The following PHIP variants were observed in gnomAD, a reference collection of about 807,000 sequenced individuals.
The protein encoded by PHIP is PHIP subunit of CUL4-Ring ligase complex, also known as PH-interacting protein.
In PHIP, 54 loss-of-function variants were observed where a neutral mutation model predicts 236.8. The ratio of observed to expected loss-of-function variants is 0.23; its 90% confidence interval spans 0.18 to 0.29. The LOEUF (loss-of-function observed/expected upper bound fraction) is 0.29, where lower values mean the gene tolerates loss of function less well. Ranked by LOEUF, PHIP falls within the 10% of genes least tolerant of loss-of-function variation. The probability of loss-of-function intolerance (pLI) is 1.00; values close to 1 mark genes in which losing one functional copy is unlikely to be tolerated. For synonymous variants in PHIP, 756 were observed against 718.9 expected, an observed-to-expected ratio of 1.05 and a Z score of -0.83; for missense variants, 1,370 against 2,190.8, an observed-to-expected ratio of 0.63 and a Z score of 7.48.
chr6:79,029,993 T>C (rs751553502), intron 7 of PHIP, among the ~76,000 whole-genome samples: 9 of 152,158 alleles, frequency 5.9e-5, no homozygotes, highest in Non-Finnish European at 1.2e-4. Context: ...TATAGTCTTT[T>C]GACCAAAGAA....
intron 6 of PHIP, among the ~76,000 whole-genome samples, chr6:79,054,568 CA>C (rs1772975060): frequency 6.6e-6 from 1 of 150,714 alleles, no homozygotes; most frequent in South Asian, 2.1e-4. Context: ...GATAAGTGAA[CA>C]GGAAAAAAAC....
chr6:78,958,524 T>C lies in PHIP; in HGVS notation c.3733A>G (p.Ile1245Val). 6.4e-7 allele frequency: 1 copy of C among 1,572,704 alleles called. No homozygotes were observed. Among genetic ancestry groups the C allele is most frequent in the Non-Finnish European group, 8.7e-7 (1 of 1,142,974 alleles). ...GTCACGAATTTAGCAGATTTCACAATAGGGCTTCCAGGCTCATTAAATGTT... is the reference window on the plus strand; with the variant it reads ...GTCACGAATTTAGCAGATTTCACAACAGGGCTTCCAGGCTCATTAAATGTT... Reference protein sequence around the residue: ...TRTFNEPGSPIVKSAKFVTDL... With the variant: ...TRTFNEPGSPVVKSAKFVTDL... Residue 1245 changes from isoleucine to valine, a missense_variant, in exon 32 of 40, where the codon ATT (isoleucine) becomes GTT (valine). This residue lies in a region of PHIP where 238 missense variants were observed against 398.5 expected (regional missense o/e 0.60). Coordinates refer to ENST00000275034, the MANE Select transcript of PHIP (RefSeq NM_017934.7).
intron 31 of PHIP, 49 bp from the exon 32 acceptor site, chr6:78,958,649 A>C (rs1766578909): frequency 9.0e-7 from 1 of 1,109,566 alleles, no homozygotes; most frequent in Non-Finnish European, 1.4e-6. Flanking sequence ...ATTTAGAAAT[A>C]TGTGTACATC....
At chr6:79,047,820 G>A (rs1772577689) in intron 6 of PHIP, among the ~76,000 whole-genome samples, 1 of 151,820 alleles carries the variant, frequency 6.6e-6, no homozygotes, top group Non-Finnish European at 1.5e-5. Context: ...TTACTTTTTT[G>A]TAGTTTAGAT....
intron 9 of PHIP, among the ~76,000 whole-genome samples, chr6:79,022,172 G>A (rs1180903305): frequency 6.6e-6 from 1 of 152,156 alleles, no homozygotes; most frequent in Non-Finnish European, 1.5e-5. Flanking sequence ...TCAAGAGTGC[G>A]ACCTTAGGCC....
At chr6:79,030,610 G>C (rs907841956) in intron 7 of PHIP, among the ~76,000 whole-genome samples, 1 of 152,152 alleles carries the variant, frequency 6.6e-6, no homozygotes, top group Non-Finnish European at 1.5e-5. Flanking sequence ...GGTCACTATA[G>C]TATTTTAGCC....
At chr6:79,071,551 A>G (rs1022032050) in intron 4 of PHIP, among the ~76,000 whole-genome samples, 1 of 152,200 alleles carries the variant, frequency 6.6e-6, no homozygotes, top group African/African-American at 2.4e-5. Flanking sequence ...AGATATAACC[A>G]CAAAAGCAAC....
At chr6:78,958,703 C>T in intron 31 of PHIP, 103 bp from the exon 32 acceptor site, 1 of 733,432 alleles carries the variant, frequency 1.4e-6, no homozygotes, top group Non-Finnish European at 2.4e-6. Flanking sequence ...CAGTCTAAAC[C>T]AACTGTAAAA....
At chr6:78,997,113 T>C (rs544983774) in intron 19 of PHIP, among the ~76,000 whole-genome samples, 28 of 151,972 alleles carry the variant, frequency 1.8e-4, no homozygotes, top group Non-Finnish European at 3.5e-4. Context: ...TTTTAAGATA[T>C]AGTTAAACAG....
chr6:78,993,881 T>C (rs1769432100), intron 19 of PHIP, among the ~76,000 whole-genome samples: 3 of 152,238 alleles, frequency 2.0e-5, no homozygotes, highest in South Asian at 4.1e-4. Flanking sequence ...CATAAGGCTA[T>C]AGCTGCACTA....
Position 78,997,404 on chromosome 6 carries a change from C to T in PHIP, c.2201+10G>A, listed in dbSNP as rs766919290. 1.2e-6 allele frequency: 2 copies of T among 1,612,174 alleles called. No homozygotes were observed. The highest frequency in any genetic ancestry group is 1.7e-6 in the Non-Finnish European group (2 of 1,178,746). ...AACTATGGTACATAAAAATTCACAA[C>T]TTCCCTTACCTGGCTACACCAGCTG... is the stretch of plus-strand genomic sequence containing the variant. On this transcript the variant is annotated intron_variant, in intron 19 of 39. Coordinates refer to ENST00000275034, the MANE Select transcript of PHIP (RefSeq NM_017934.7).
intron 9 of PHIP, among the ~76,000 whole-genome samples, chr6:79,022,236 G>A (rs1013809813): frequency 6.6e-6 from 1 of 152,162 alleles, no homozygotes; most frequent in African/African-American, 2.4e-5. Context: ...GGGTAAAACG[G>A]AACCTATTTC....
At chr6:78,973,813 CAAG>C (rs1424726360) in intron 24 of PHIP, among the ~76,000 whole-genome samples, 1 of 151,804 alleles carries the variant, frequency 6.6e-6, no homozygotes, top group African/African-American at 2.4e-5. Context: ...GTCAATTCAA[CAAG>C]AAGAGCTAAC....
rs1016708849 is a variant in PHIP at position 78,961,922 on chromosome 6, T to G, written c.3536-112A>C. On this transcript the variant is annotated intron_variant, in intron 30 of 39. Transcript: ENST00000275034. ...GTCCTAATCTACATAATCATTAGTC[T>G]GCCACTGTCTTTTCATAAACAATAT... is the stretch of plus-strand genomic sequence containing the variant. 3.2e-5 allele frequency: 24 copies of G among 750,950 alleles called. No individual in the cohort carries two copies. The African/African-American group carries it at 3.6e-4, about 11-fold the overall frequency. 46.5% of individuals were successfully genotyped at this position (750,950 alleles called of 1,614,324 possible).
chr6:79,003,973 G>T, intron 15 of PHIP, 115 bp from the exon 16 acceptor site: 1 of 619,612 alleles, frequency 1.6e-6, no homozygotes, highest in Non-Finnish European at 2.6e-6. Flanking sequence ...TGAAGATTAA[G>T]TAAAACAAGC....
intron 15 of PHIP, among the ~76,000 whole-genome samples, chr6:79,008,449 A>C (rs1770412142): frequency 6.6e-6 from 1 of 152,138 alleles, no homozygotes; most frequent in Non-Finnish European, 1.5e-5. Context: ...AAATATCTTC[A>C]AATTTAACAT....
intron 1 of PHIP, 33 bp downstream of exon 1, chr6:79,077,996 G>T (rs769003303): frequency 1.2e-6 from 2 of 1,603,660 alleles, no homozygotes; most frequent in Admixed American, 3.4e-5. Flanking sequence ...GGAATCGCCC[G>T]GTGCCAGCGG....
chr6:78,969,748 T>C (rs938744288), intron 27 of PHIP, 87 bp downstream of exon 27: 6 of 605,924 alleles, frequency 9.9e-6, no homozygotes, highest in African/African-American at 3.8e-5. Flanking sequence ...TCTGATAATC[T>C]TTTTCTCAAT....
At chr6:78,990,744 AT>A (rs1769187574) in intron 20 of PHIP, 123 bp downstream of exon 20, 2 of 516,178 alleles carry the variant, frequency 3.9e-6, no homozygotes, top group East Asian at 6.5e-5. Flanking sequence ...GATAACCAAG[AT>A]TTACTATGTT....
Sources: allele counts gnomAD v4.1 joint callset (sites outside exome capture counted in the v4.1 genomes callset), GRCh38; gene constraint gnomAD v4.1.1; regional missense constraint gnomAD v4.1.1; transcripts MANE v1.5; gene names NCBI Gene and HGNC (gene_info 2026-07-23, HGNC 2026-07-21).